GNG2: variants seen among roughly 807,000 people sequenced by gnomAD.
GNG2 encodes G protein subunit gamma 2, also known as guanine nucleotide-binding protein G(I)/G(S)/G(O) subunit gamma-2.
GNG2 carries 5 observed loss-of-function variants against 5.5 expected under a neutral mutation model. The observed-to-expected ratio is 0.91, with a 90% CI of 0.48 to 1.92. The LOEUF (loss-of-function observed/expected upper bound fraction) is 1.92. Ranked by LOEUF, GNG2 falls within the 30% of genes most tolerant of loss-of-function variation. The pLI is 0.01. For missense variants in GNG2, 55 were observed against 88.4 expected (o/e 0.62, Z 1.52); for synonymous variants, 28 against 32.0 (o/e 0.88, Z 0.42).
chr14:51,834,070 A>AT (rs1234643055), intron 2 of GNG2, among the ~76,000 whole-genome samples: 1 of 152,252 alleles, frequency 6.6e-6, no homozygotes, highest in Non-Finnish European at 1.5e-5. Flanking sequence ...ACCAAAAAAA[A>AT]CAAAGGCAGA....
chr14:51,911,545 C>CT (rs200362776), intron 2 of GNG2, among the ~76,000 whole-genome samples: 4,276 of 142,942 alleles, frequency 0.03, 90 homozygotes, highest in South Asian at 0.071. Flanking sequence ...ATAATGATAG[C>CT]TTTTTTTTTT....
chr14:51,962,529 G>A (rs943050945), intron 3 of GNG2, among the ~76,000 whole-genome samples: 4 of 152,248 alleles, frequency 2.6e-5, no homozygotes, highest in African/African-American at 9.6e-5. Context: ...ACCACCCCCC[G>A]AATTCGATCT....
At chr14:51,876,477 A>G (rs1883672928) in intron 1 of GNG2, among the ~76,000 whole-genome samples, 1 of 152,146 alleles carries the variant, frequency 6.6e-6, no homozygotes, top group Admixed American at 6.5e-5. Flanking sequence ...TAGTTGTGCC[A>G]GCTTCCACTA....
chr14:51,841,459 C>T (rs1012327439), intron 2 of GNG2: 5 of 685,674 alleles, frequency 7.3e-6, no homozygotes, highest in Non-Finnish European at 1.1e-5. Flanking sequence ...ATATAATCCT[C>T]ACTGTAATCC....
intron 1 of GNG2, among the ~76,000 whole-genome samples, chr14:51,869,232 C>T (rs552202884): frequency 1.3e-5 from 2 of 152,298 alleles, no homozygotes; most frequent in East Asian, 3.9e-4. Flanking sequence ...CAATATTTTT[C>T]TATCAGGATA....
At chr14:51,883,590 G>T (rs933083598) in intron 2 of GNG2, among the ~76,000 whole-genome samples, 2 of 152,148 alleles carry the variant, frequency 1.3e-5, no homozygotes, top group Non-Finnish European at 2.9e-5. Context: ...TTTCATGTTT[G>T]GTGTGTGAAT....
At chr14:51,909,908 A>G (rs1886192282) in intron 2 of GNG2, among the ~76,000 whole-genome samples, 1 of 152,204 alleles carries the variant, frequency 6.6e-6, no homozygotes. Flanking sequence ...CCTCAGACTC[A>G]AGATCCTTTA....
intron 3 of GNG2, among the ~76,000 whole-genome samples, chr14:51,957,127 CA>C (rs916016451): frequency 1.3e-5 from 2 of 150,106 alleles, no homozygotes; most frequent in African/African-American, 2.5e-5. Context: ...TTGCTGTGAT[CA>C]AAAGTGAAGT....
intron 2 of GNG2, among the ~76,000 whole-genome samples, chr14:51,844,523 G>A (rs1354585792): frequency 6.6e-6 from 1 of 152,194 alleles, no homozygotes; most frequent in East Asian, 1.9e-4. Context: ...CTGTGTGTGT[G>A]TGTGTGGGTG....
intron 2 of GNG2, among the ~76,000 whole-genome samples, chr14:51,842,032 T>C (rs1277650260): frequency 6.6e-6 from 1 of 152,234 alleles, no homozygotes. Flanking sequence ...TATTTTCCTA[T>C]TGTCAAGAGG....
At chr14:51,885,107 AG>A (rs1884358580) in intron 2 of GNG2, among the ~76,000 whole-genome samples, 1 of 152,210 alleles carries the variant, frequency 6.6e-6, no homozygotes, top group South Asian at 2.1e-4. Context: ...AGTCCATGTG[AG>A]CCAATACATT....
chr14:51,846,144 G>A (rs1325567383), intron 2 of GNG2, among the ~76,000 whole-genome samples: 1 of 152,172 alleles, frequency 6.6e-6, no homozygotes, highest in Non-Finnish European at 1.5e-5. Context: ...GCAGAAAGGT[G>A]GATATTGGAA....
chr14:51,916,613 C>A, intron 2 of GNG2: 1 of 400,276 alleles, frequency 2.5e-6, no homozygotes, highest in Non-Finnish European at 4.9e-6. Flanking sequence ...GGGGAGGAAG[C>A]CAGAAGTAGA....
intron 3 of GNG2, among the ~76,000 whole-genome samples, chr14:51,955,749 T>C (rs1020110166): frequency 6.6e-6 from 1 of 152,270 alleles, no homozygotes; most frequent in African/African-American, 2.4e-5. Context: ...AATTGTTTCA[T>C]ATCATTGTAT....
upstream of GNG2, among the ~76,000 whole-genome samples, chr14:51,859,832 G>A (rs941587290): frequency 2.0e-5 from 3 of 152,242 alleles, no homozygotes; most frequent in Admixed American, 1.3e-4. Context: ...GGGGAGAGGA[G>A]TATTCAGTTT....
intron 3 of GNG2, among the ~76,000 whole-genome samples, chr14:51,963,413 A>T (rs929526242): frequency 1.4e-4 from 22 of 152,188 alleles, no homozygotes; most frequent in African/African-American, 4.8e-4. Context: ...TTTAGATATC[A>T]CTGATTTACT....
At chr14:51,904,788 T>G (rs1053019236) in intron 2 of GNG2, among the ~76,000 whole-genome samples, 7 of 152,218 alleles carry the variant, frequency 4.6e-5, no homozygotes, top group Non-Finnish European at 7.3e-5. Context: ...GGTGTCATAT[T>G]TGTGTCTTAG....
chr14:51,925,251 C>A (rs7148779), intron 2 of GNG2, among the ~76,000 whole-genome samples: 7,198 of 152,242 alleles, frequency 0.047, 173 homozygotes, highest in African/African-American at 0.057. Flanking sequence ...TATATCCAAT[C>A]ATGTAATTAA....
At chr14:51,942,818 G>A (rs1594944052) in intron 2 of GNG2, among the ~76,000 whole-genome samples, 1 of 151,632 alleles carries the variant, frequency 6.6e-6, no homozygotes, top group South Asian at 2.1e-4. Flanking sequence ...TTAAAGAAGT[G>A]TAACCACATG....
Sources: gnomAD v4.1 joint callset for allele counts (sites outside exome capture counted in the v4.1 genomes callset) on GRCh38, gnomAD v4.1.1 for gene constraint, MANE v1.5 for transcripts, NCBI Gene and HGNC (gene_info 2026-07-23, HGNC 2026-07-21) for gene names.